Variants in CENPU observed in about 807,000 individuals in gnomAD.
CENPU encodes the protein centromere protein U, also known as KSHV latent nuclear antigen interacting protein 1.
CENPU carries 46 observed loss-of-function variants against 56.7 expected under a neutral mutation model. The observed-to-expected ratio is 0.81, with a 90% CI of 0.64 to 1.04. The LOEUF (loss-of-function observed/expected upper bound fraction) is 1.04. CENPU is among the 50% of genes least tolerant of loss of function. The probability of loss-of-function intolerance (pLI) is 0.00; values close to 1 mark genes in which losing one functional copy is unlikely to be tolerated. For synonymous variants in CENPU, 166 were observed against 163.0 expected (o/e 1.02, Z -0.14); for missense variants, 510 against 490.1 (o/e 1.04, Z -0.38).
At chr4:184,707,119 C>G (rs948175829) in intron 8 of CENPU, among the ~76,000 whole-genome samples, 2 of 151,262 alleles carry the variant, frequency 1.3e-5, no homozygotes, top group African/African-American at 2.5e-5. Flanking sequence ...AAAACAGGCA[C>G]TTCTCACAAT....
intron 8 of CENPU, among the ~76,000 whole-genome samples, chr4:184,709,346 G>C (rs1475273986): frequency 6.6e-6 from 1 of 152,042 alleles, no homozygotes; most frequent in African/African-American, 2.4e-5. Context: ...AATTAGCTGG[G>C]CGGGGTGGCA....
chr4:184,708,141 T>C (rs1366017103), intron 8 of CENPU, among the ~76,000 whole-genome samples: 1 of 148,590 alleles, frequency 6.7e-6, no homozygotes, highest in African/African-American at 2.5e-5. Flanking sequence ...GGTGAATCGC[T>C]TGAACCTGGG....
chr4:184,716,815 C>T (rs571819551), intron 5 of CENPU, among the ~76,000 whole-genome samples, 182 bp from the exon 6 acceptor site: 10 of 152,284 alleles, frequency 6.6e-5, no homozygotes, highest in African/African-American at 2.2e-4. Flanking sequence ...TCAAAGGTTA[C>T]AATAATCACT....
chr4:184,697,264 G>A (rs1056377131), intron 12 of CENPU, among the ~76,000 whole-genome samples: 8 of 152,158 alleles, frequency 5.3e-5, no homozygotes, highest in Admixed American at 6.5e-5. Context: ...CCGTGAACAT[G>A]GGCTAGACCA....
At position 184,694,897 on chromosome 4, in the gene CENPU, ATTTTTG is replaced by A. The variant is rs1760180072; in HGVS notation, c.*385_*390del. The A allele has an allele frequency of 3.1e-6, 3 of 955,028 alleles. No homozygotes were observed. In the East Asian group the frequency reaches 7.9e-5, roughly 25 times the overall value. The allele number at this position is 955,028 out of a possible 1,614,324, so 59.2% of individuals were successfully genotyped here. On this transcript the variant is annotated 3_prime_UTR_variant, in exon 13 of 13. Coordinates refer to ENST00000281453, the MANE Select transcript of CENPU (RefSeq NM_024629.4). ...CTAAGTTTTATTACTTTGCTTTCCA[ATTTTTG>A]TTTTTTACTTCTGTAAACCAATTTC...
chr4:184,700,718 G>A (rs965743369), intron 11 of CENPU, 102 bp downstream of exon 11: 10 of 1,010,510 alleles, frequency 9.9e-6, no homozygotes, highest in African/African-American at 3.1e-5. Flanking sequence ...AGATAACCTG[G>A]GGCTTTAATA....
intron 12 of CENPU, 147 bp from the exon 13 acceptor site, chr4:184,695,548 T>C (rs1039991408): frequency 8.9e-6 from 5 of 561,582 alleles, no homozygotes; most frequent in African/African-American, 5.6e-5. Flanking sequence ...ATTAAGACAA[T>C]TGGTTTTAAT....
At chr4:184,709,469 G>C (rs1760847008) in intron 8 of CENPU, among the ~76,000 whole-genome samples, 1 of 148,742 alleles carries the variant, frequency 6.7e-6, no homozygotes, top group African/African-American at 2.5e-5. Flanking sequence ...CCTGGAGACA[G>C]AGAGAGACTC....
chr4:184,728,941 T>A lies in CENPU; in HGVS notation c.191A>T (p.Asp64Val), dbSNP rs1761546050. 3 of 1,613,926 alleles carry A rather than the reference T, an allele frequency of 1.9e-6. No individual in the cohort carries two copies. Among genetic ancestry groups the A allele is most frequent in the Non-Finnish European group, 2.5e-6 (3 of 1,179,916 alleles). Residue 64 changes from aspartate (D) to valine (V), a missense_variant, in exon 3 of 13, where the codon GAT becomes GTT. Asp to Val is a radical substitution (Grantham distance 152, BLOSUM62 -3). Coordinates refer to ENST00000281453, the MANE Select transcript of CENPU (RefSeq NM_024629.4). ...SIGRLGENEK[D>V]EETYETFDPP... Reference sequence around the variant, plus strand: ...ACCAAAGGTCTCATAAGTTTCTTCATCTTTCTCATTTTCACCCAGCCTGCC... The same window carrying A: ...ACCAAAGGTCTCATAAGTTTCTTCAACTTTCTCATTTTCACCCAGCCTGCC...
In CENPU at chr4:184,717,136, C is replaced by T. The variant is rs1248470725; in HGVS notation, c.381G>A (p.Lys127=). The T allele has an allele frequency of 1.2e-6, 2 of 1,606,544 alleles. No homozygotes were observed. The highest frequency in any genetic ancestry group is 2.7e-5 in the African/African-American group (2 of 74,742). The stretch of plus-strand genomic sequence containing the variant: ...TAGAAGAGTGAATACTCCTACATAC[C>T]TTTTTTGCACTAATTTTTACAGATT... ...EIESVKISAK[K]PGRKLRPISD... Residue 127 remains lysine (K), a splice_region_variant and synonymous_variant, in exon 5 of 13, where the codon AAG becomes AAA. Coordinates refer to ENST00000281453, the MANE Select transcript of CENPU (RefSeq NM_024629.4).
chr4:184,695,383 G>A lies in CENPU; in HGVS notation c.1162C>T (p.Pro388Ser), dbSNP rs769188688. Residue 388 changes from proline (P) to serine (S), a missense_variant, in exon 13 of 13, where the codon CCA becomes TCA. Transcript: ENST00000281453. ...GTTCTTGCTTTAAATAACAGAGCTGGAAGGCTGGATGAATCATACTGTTGA... is the reference window on the plus strand; with the variant it reads ...GTTCTTGCTTTAAATAACAGAGCTGAAAGGCTGGATGAATCATACTGTTGA... Reference protein sequence around the residue: ...VKETYDSSSLPALLFKARTLL... With the variant: ...VKETYDSSSLSALLFKARTLL... The A allele has an allele frequency of 6.2e-7, 1 of 1,612,662 alleles. No individual in the cohort carries two copies. Among genetic ancestry groups the A allele is most frequent in the East Asian group, 2.2e-5 (1 of 44,842 alleles).
chr4:184,709,191 A>G (rs1173981540), intron 8 of CENPU, among the ~76,000 whole-genome samples: 1 of 152,182 alleles, frequency 6.6e-6, no homozygotes, highest in Non-Finnish European at 1.5e-5. Flanking sequence ...AAGAAATTAA[A>G]AAGAATGTAA....
rs192788129 is a variant in CENPU, at chr4:184,700,700, G to A, written c.986+120C>T. ...CATACCCTGCCTTCACTGAGTATCG[G>A]AGCTTGAAGATAACCTGGGGCTTTA... On this transcript the variant is annotated intron_variant, in intron 11 of 12. Transcript: ENST00000281453. The A allele has an allele frequency of 4.1e-3, 3,627 of 882,296 alleles. 10 individuals carry two copies. The highest frequency in any genetic ancestry group is 5.4e-3 in the Non-Finnish European group (2,815 of 525,066). 54.7% of individuals were successfully genotyped at this position (882,296 alleles called of 1,614,324 possible).
chr4:184,711,355 T>C (rs1428373674), intron 7 of CENPU, among the ~76,000 whole-genome samples: 1 of 152,214 alleles, frequency 6.6e-6, no homozygotes, highest in Non-Finnish European at 1.5e-5. Flanking sequence ...GTATGTATTG[T>C]GTAAAAAAAT....
At chr4:184,720,281 A>G (rs1204933722) in intron 4 of CENPU, among the ~76,000 whole-genome samples, 1 of 152,128 alleles carries the variant, frequency 6.6e-6, no homozygotes, top group Non-Finnish European at 1.5e-5. Context: ...AGAATCTATC[A>G]AGCAGAAGAA....
chr4:184,716,495 A>C lies in CENPU; in HGVS notation c.520T>G (p.Ser174Ala). 1 of 1,614,178 alleles carries C rather than the reference A, an allele frequency of 6.2e-7. No homozygotes were observed. Among genetic ancestry groups the C allele is most frequent in the Non-Finnish European group, 8.5e-7 (1 of 1,180,040 alleles). The change falls in exon 6 of 13, where the codon TCA (serine) becomes GCA (alanine). Residue 174 changes from serine (S) to alanine (A), a missense_variant. Coordinates refer to ENST00000281453, the MANE Select transcript of CENPU (RefSeq NM_024629.4). ...VIRTTASSEL[S>A]EKPAESVTSK... Reference sequence around the variant, plus strand: ...GTGACAGACTCAGCTGGTTTCTCTGAAAGTTCTGAAGACGCTGTGGTTCGA... The same window carrying C: ...GTGACAGACTCAGCTGGTTTCTCTGCAAGTTCTGAAGACGCTGTGGTTCGA...
intron 11 of CENPU, among the ~76,000 whole-genome samples, chr4:184,700,341 T>C (rs1384632109): frequency 6.6e-6 from 1 of 152,254 alleles, no homozygotes; most frequent in African/African-American, 2.4e-5. Context: ...TGTGTGCGCC[T>C]GTCCCTGTGA....
intron 4 of CENPU, among the ~76,000 whole-genome samples, chr4:184,724,080 T>C (rs967036590): frequency 1.3e-5 from 2 of 151,518 alleles, no homozygotes; most frequent in Non-Finnish European, 1.5e-5. Context: ...CTGGGTAACA[T>C]GGTGAAACCC....
At chr4:184,733,956 G>C (rs1240980569) in intron 1 of CENPU, 60 bp downstream of exon 1, 1 of 1,605,704 alleles carries the variant, frequency 6.2e-7, no homozygotes, top group East Asian at 2.2e-5. Flanking sequence ...ACCACGGCAG[G>C]CGAGGAAGCA....
Sources: allele counts gnomAD v4.1 joint callset (sites outside exome capture counted in the v4.1 genomes callset), GRCh38; gene constraint gnomAD v4.1.1; transcripts MANE v1.5; gene names NCBI Gene and HGNC (gene_info 2026-07-23, HGNC 2026-07-21).